DNAH9: variants seen among roughly 807,000 people sequenced by gnomAD.
DNAH9 encodes dynein axonemal heavy chain 9.
A neutral mutation model predicts 471.6 loss-of-function variants in DNAH9; 345 were observed. That is an observed-to-expected ratio of 0.73 (90% CI 0.67 to 0.80). The LOEUF (loss-of-function observed/expected upper bound fraction) is 0.80, where lower values mean the gene tolerates loss of function less well. Among genes scored for constraint, DNAH9 ranks in the 30% least tolerant of loss-of-function variants. The pLI is 0.00. For missense variants in DNAH9, 5,407 were observed against 5,609.2 expected, an observed-to-expected ratio of 0.96 and a Z score of 1.15; for synonymous variants, 2,093 against 2,123.6, an observed-to-expected ratio of 0.99 and a Z score of 0.40.
At chr17:11,885,492 C>G (rs755214911) in intron 56 of DNAH9, among the ~76,000 whole-genome samples, 23 of 152,188 alleles carry the variant, frequency 1.5e-4, no homozygotes, top group Admixed American at 3.9e-4. Flanking sequence ...TTCTGAGTTG[C>G]TTTTGTAACA....
At chr17:11,896,331 A>G (rs934523275) in intron 59 of DNAH9, among the ~76,000 whole-genome samples, 3 of 152,228 alleles carry the variant, frequency 2.0e-5, no homozygotes, top group Non-Finnish European at 4.4e-5. Flanking sequence ...TTTGTAGGCC[A>G]GACTCTGTAG....
At chr17:11,620,155 C>T (rs931932989) in intron 6 of DNAH9, among the ~76,000 whole-genome samples, 1 of 150,800 alleles carries the variant, frequency 6.6e-6, no homozygotes, top group Non-Finnish European at 1.5e-5. Flanking sequence ...GCAGAGGTTG[C>T]AGTGAGTCGA....
At chr17:11,624,725 C>T (rs1013840609) in intron 6 of DNAH9, among the ~76,000 whole-genome samples, 34 of 152,006 alleles carry the variant, frequency 2.2e-4, no homozygotes, top group Non-Finnish European at 5.9e-5. Context: ...TCCCTCCTTC[C>T]GTCCTTTTCT....
chr17:11,831,492 C>T, intron 48 of DNAH9, among the ~76,000 whole-genome samples: 1 of 152,060 alleles, frequency 6.6e-6, no homozygotes, highest in East Asian at 1.9e-4. Context: ...TTCCACTTGT[C>T]CCCACCTCCA....
intron 49 of DNAH9, among the ~76,000 whole-genome samples, chr17:11,836,709 G>T (rs542840806): frequency 6.6e-6 from 1 of 152,150 alleles, no homozygotes; most frequent in Non-Finnish European, 1.5e-5. Flanking sequence ...CCCAAATTGC[G>T]AAATCAACCT....
At chr17:11,720,057 A>G (rs1222144582) in intron 27 of DNAH9, among the ~76,000 whole-genome samples, 1 of 152,138 alleles carries the variant, frequency 6.6e-6, no homozygotes, top group Non-Finnish European at 1.5e-5. Flanking sequence ...CAAAGCTAAT[A>G]TTCATTCAGG....
At chr17:11,666,660 T>C (rs1327835515) in intron 15 of DNAH9, among the ~76,000 whole-genome samples, 1 of 152,160 alleles carries the variant, frequency 6.6e-6, no homozygotes, top group Non-Finnish European at 1.5e-5. Context: ...AAGAAAATCA[T>C]GGTGACCCCT....
chr17:11,732,582 T>C lies in DNAH9; in HGVS notation c.5814+4660T>C, dbSNP rs185256883. 1.4e-4 allele frequency among the ~76,000 whole-genome samples: 21 copies of C among 151,562 alleles called. No individual in the cohort carries two copies. The East Asian group carries it at 4.1e-3, about 29-fold the overall frequency. ...ATCTTTGTCAGTGGACATTCTCATG[T>C]CTCCATGAGACTGGTCAAGCAAAGT... On this transcript the variant is annotated intron_variant, in intron 28 of 68. Coordinates refer to ENST00000262442, the MANE Select transcript of DNAH9 (RefSeq NM_001372.4).
chr17:11,694,617 GCTTTCTTGCTTT>G lies in DNAH9; in HGVS notation c.4872+174_4872+185del, dbSNP rs1567724447. Among the ~76,000 whole-genome samples, 51 of 5,212 alleles carry G rather than the reference GCTTTCTTGCTTT, an allele frequency of 9.8e-3. 21 individuals carry two copies. In the East Asian group the frequency reaches 0.44, roughly 45 times the overall value. The allele number at this position is 5,212 out of a possible 152,430, so 3.4% of individuals were successfully genotyped here. ...TACCTCGGAGCTTTCTTGCTTTCTT[GCTTTCTTGCTTT>G]CTTGCTTTCTTGCTTTCTCGCTTTC... On this transcript the variant is annotated intron_variant, in intron 22 of 68. Coordinates refer to ENST00000262442, the MANE Select transcript of DNAH9 (RefSeq NM_001372.4).
chr17:11,707,189 C>T (rs1597510899), intron 26 of DNAH9, among the ~76,000 whole-genome samples: 2 of 152,074 alleles, frequency 1.3e-5, no homozygotes, highest in East Asian at 3.9e-4. Flanking sequence ...CTCCTCTTCC[C>T]CAAAAGGAAT....
At position 11,618,506 on chromosome 17, in the gene DNAH9, A is replaced by G. The variant is rs1307154768; in HGVS notation, c.1116+884A>G. 2.0e-5 allele frequency among the ~76,000 whole-genome samples: 3 copies of G among 151,726 alleles called. No homozygotes were observed. In the East Asian group the frequency reaches 5.8e-4, roughly 30 times the overall value. On this transcript the variant is annotated intron_variant, in intron 5 of 68. Transcript: ENST00000262442. Reference sequence around the variant, plus strand: ...GAGGCTGAGGCAGGAGAATCGCTTGAACCCGGGAGGCAGAAGTTGCAGTGA... The same window carrying G: ...GAGGCTGAGGCAGGAGAATCGCTTGGACCCGGGAGGCAGAAGTTGCAGTGA...
intron 43 of DNAH9, among the ~76,000 whole-genome samples, chr17:11,798,432 C>G (rs1281079431): frequency 1.6e-5 from 1 of 61,596 alleles, no homozygotes; most frequent in Non-Finnish European, 3.0e-5. Flanking sequence ...GACTCTGCCT[C>G]AAAAAAAAAA....
chr17:11,682,820 A>G (rs2074157741), intron 19 of DNAH9, among the ~76,000 whole-genome samples: 1 of 152,122 alleles, frequency 6.6e-6, no homozygotes, highest in African/African-American at 2.4e-5. Flanking sequence ...AAGGGAAGTA[A>G]TTGGTTTCCT....
chr17:11,663,699 T>C (rs776494128), intron 14 of DNAH9, among the ~76,000 whole-genome samples: 2 of 152,202 alleles, frequency 1.3e-5, no homozygotes, highest in Non-Finnish European at 2.9e-5. Context: ...GTGAAAGATA[T>C]AGATATTATA....
intron 14 of DNAH9, among the ~76,000 whole-genome samples, chr17:11,661,916 C>T (rs2073772551): frequency 6.6e-6 from 1 of 152,006 alleles, no homozygotes; most frequent in Non-Finnish European, 1.5e-5. Flanking sequence ...GCTTGTTATT[C>T]CCTTTTATAG....
intron 50 of DNAH9, 130 bp downstream of exon 50, chr17:11,854,558 C>A: frequency 8.2e-7 from 1 of 1,219,130 alleles, no homozygotes; most frequent in South Asian, 1.7e-5. Flanking sequence ...CATGCAAAAT[C>A]TCATTTTTCA....
intron 62 of DNAH9, 55 bp from the exon 63 acceptor site, chr17:11,929,811 C>A: frequency 6.8e-7 from 1 of 1,467,482 alleles, no homozygotes; most frequent in Middle Eastern, 1.8e-4. Flanking sequence ...CTATTTACTG[C>A]TAACAGAGCT....
At chr17:11,768,354 C>T (rs879777172) in intron 36 of DNAH9, 99 bp from the exon 37 acceptor site, 58 of 1,241,952 alleles carry the variant, frequency 4.7e-5, no homozygotes, top group Non-Finnish European at 6.2e-5. Flanking sequence ...GGGAGGAGCA[C>T]GTTGTCCTGC....
chr17:11,960,558 G>A (rs990332026), intron 67 of DNAH9, among the ~76,000 whole-genome samples: 5 of 150,798 alleles, frequency 3.3e-5, no homozygotes, highest in South Asian at 4.2e-4. Context: ...TCAGGAGTTC[G>A]AGACCAGCCT....
Sources: gnomAD v4.1 joint callset for allele counts (sites outside exome capture counted in the v4.1 genomes callset) on GRCh38, gnomAD v4.1.1 for gene constraint, MANE v1.5 for transcripts, NCBI Gene and HGNC (gene_info 2026-07-23, HGNC 2026-07-21) for gene names.